FMN1: variants seen among roughly 807,000 people sequenced by gnomAD.
FMN1 encodes the protein formin-1.
FMN1 carries 110 observed loss-of-function variants against 132.4 expected under a neutral mutation model. That is an observed-to-expected ratio of 0.83 (90% CI 0.71 to 0.97). The LOEUF (loss-of-function observed/expected upper bound fraction) is 0.97. Among genes scored for constraint, FMN1 ranks in the 50% least tolerant of loss-of-function variants. The pLI, the probability that FMN1 is intolerant of heterozygous loss-of-function variation, is 0.00. For missense variants in FMN1, 1,792 were observed against 1,705.3 expected, an observed-to-expected ratio of 1.05 and a Z score of -0.90; for synonymous variants, 722 against 651.7, an observed-to-expected ratio of 1.11 and a Z score of -1.64.
intron 7 of FMN1, among the ~76,000 whole-genome samples, chr15:32,985,509 C>T (rs117648907): frequency 0.014 from 2,122 of 152,174 alleles, 14 homozygotes; most frequent in Non-Finnish European, 0.024. Context: ...ATAGTGCCCA[C>T]GACTACTGGG....
intron 6 of FMN1, among the ~76,000 whole-genome samples, chr15:33,055,239 A>G (rs2037163684): frequency 6.6e-6 from 1 of 152,172 alleles, no homozygotes; most frequent in Non-Finnish European, 1.5e-5. Flanking sequence ...CTCTACTGAT[A>G]ATAGTAACTC....
chr15:32,995,676 TC>T (rs2033722794), intron 7 of FMN1, among the ~76,000 whole-genome samples: 1 of 152,326 alleles, frequency 6.6e-6, no homozygotes, highest in East Asian at 1.9e-4. Context: ...TGTTTACCAA[TC>T]ATGAGAGAGA....
intron 5 of FMN1, chr15:33,067,677 G>A (rs2037809122): frequency 4.3e-6 from 7 of 1,614,012 alleles, no homozygotes; most frequent in Non-Finnish European, 5.9e-6. Flanking sequence ...TCATCCTGCT[G>A]AGATGTGGGA....
At chr15:33,176,327 A>G (rs905704669) in intron 3 of FMN1, among the ~76,000 whole-genome samples, 1 of 152,006 alleles carries the variant, frequency 6.6e-6, no homozygotes, top group African/African-American at 2.4e-5. Context: ...CCAAGATAGT[A>G]AAACCCTGTC....
chr15:32,836,892 T>G (rs2058639384), intron 17 of FMN1: 1 of 166,108 alleles, frequency 6.0e-6, no homozygotes, highest in Non-Finnish European at 1.5e-5. Flanking sequence ...TTAGATGAAC[T>G]GATCGATCTC....
Position 33,018,050 on chromosome 15 carries a change from G to T in FMN1, c.2162-9975C>A, listed in dbSNP as rs1340714279. On this transcript the variant is annotated intron_variant, in intron 6 of 20. Coordinates refer to ENST00000616417, the MANE Select transcript of FMN1 (RefSeq NM_001277313.2). ...ACTGCACTCCAGCCTGGGCAACAGA[G>T]CGACACTACCTCTCAAGAAAAAAAA... Among the ~76,000 whole-genome samples, 6 of 143,486 alleles carry T rather than the reference G, an allele frequency of 4.2e-5. No individual in the cohort carries two copies. In the Admixed American group the frequency reaches 4.3e-4, roughly 10 times the overall value. 94.1% of individuals were successfully genotyped at this position (143,486 alleles called of 152,430 possible).
intron 16 of FMN1, among the ~76,000 whole-genome samples, chr15:32,863,400 C>G (rs1163435938): frequency 3.9e-5 from 6 of 152,118 alleles, no homozygotes; most frequent in African/African-American, 1.4e-4. Context: ...TGCCACTGCA[C>G]TCCAGCCTGG....
chr15:32,951,779 C>G (rs537755570), intron 9 of FMN1, among the ~76,000 whole-genome samples: 1 of 152,264 alleles, frequency 6.6e-6, no homozygotes, highest in South Asian at 2.1e-4. Flanking sequence ...TACGAAGGGG[C>G]CTTAGAAAGA....
At chr15:33,191,198 C>G (rs1966067901) in intron 2 of FMN1, among the ~76,000 whole-genome samples, 1 of 151,774 alleles carries the variant, frequency 6.6e-6, no homozygotes. Flanking sequence ...CTGGCTACCT[C>G]CAAAATATTT....
chr15:33,120,710 C>T (rs192859262), intron 4 of FMN1, among the ~76,000 whole-genome samples: 316 of 152,220 alleles, frequency 2.1e-3, no homozygotes, highest in Non-Finnish European at 2.3e-3. Flanking sequence ...TGACTACATA[C>T]CCATTTTACA....
intron 16 of FMN1, among the ~76,000 whole-genome samples, chr15:32,880,891 A>G (rs1481409272): frequency 1.3e-5 from 2 of 152,154 alleles, no homozygotes; most frequent in African/African-American, 2.4e-5. Flanking sequence ...TGTTCTAGTA[A>G]TAGTATAAAT....
intron 19 of FMN1, among the ~76,000 whole-genome samples, chr15:32,780,820 T>C (rs1325149010): frequency 2.0e-5 from 3 of 152,186 alleles, no homozygotes; most frequent in Non-Finnish European, 1.5e-5. Flanking sequence ...GCAGAATAAA[T>C]GTAAGCTGCT....
chr15:33,104,023 G>A (rs1197296918), intron 4 of FMN1, among the ~76,000 whole-genome samples: 2 of 152,012 alleles, frequency 1.3e-5, no homozygotes, highest in Non-Finnish European at 2.9e-5. Context: ...AAAATTTTCA[G>A]GAAGGAACTG....
At chr15:33,092,474 C>T (rs972210639) in intron 4 of FMN1, among the ~76,000 whole-genome samples, 2 of 152,132 alleles carry the variant, frequency 1.3e-5, no homozygotes, top group Non-Finnish European at 2.9e-5. Context: ...AACAATGTGA[C>T]AGTGTGCCAA....
At chr15:33,121,926 A>C (rs2140177553) in intron 4 of FMN1, among the ~76,000 whole-genome samples, 1 of 152,352 alleles carries the variant, frequency 6.6e-6, no homozygotes, top group African/African-American at 2.4e-5. Flanking sequence ...CTAGAACTTA[A>C]TTAGGTCTCT....
chr15:32,944,848 C>A lies in FMN1; in HGVS notation c.3139-18587G>T, dbSNP rs915656662. 2.2e-4 allele frequency among the ~76,000 whole-genome samples: 34 copies of A among 151,966 alleles called. 1 individual carries two copies. ...TTTTGTGTAATGTAGAAGACAAACC[C>A]CCAAACAAAATCACATGCTTTTTCC... On this transcript the variant is annotated intron_variant, in intron 9 of 20. Transcript: ENST00000616417.
intron 10 of FMN1, among the ~76,000 whole-genome samples, chr15:32,919,379 C>T (rs144192588): frequency 2.0e-5 from 3 of 152,258 alleles, no homozygotes; most frequent in South Asian, 2.1e-4. Flanking sequence ...TGGCACCCGC[C>T]AAGAAGTTGA....
chr15:32,911,192 T>C (rs180681971), intron 10 of FMN1, among the ~76,000 whole-genome samples: 23 of 152,388 alleles, frequency 1.5e-4, no homozygotes, highest in Admixed American at 9.1e-4. Flanking sequence ...AATATGCTTA[T>C]GATTTCATCT....
intron 5 of FMN1, among the ~76,000 whole-genome samples, chr15:33,086,034 G>C (rs990468252): frequency 6.6e-6 from 1 of 152,048 alleles, no homozygotes; most frequent in Non-Finnish European, 1.5e-5. Flanking sequence ...GGCGGATCAT[G>C]AGGCCAGGAG....
Sources: allele counts gnomAD v4.1 joint callset (sites outside exome capture counted in the v4.1 genomes callset), GRCh38; gene constraint gnomAD v4.1.1; transcripts MANE v1.5; gene names NCBI Gene and HGNC (gene_info 2026-07-23, HGNC 2026-07-21).